The following GTF2IRD1 variants were observed in gnomAD, a reference collection of about 807,000 sequenced individuals.
GTF2IRD1 encodes the protein general transcription factor II-I repeat domain-containing protein 1.
In GTF2IRD1, 26 loss-of-function variants were observed where a neutral mutation model predicts 113.2. The observed-to-expected ratio is 0.23, with a 90% confidence interval of 0.17 to 0.32. The LOEUF (loss-of-function observed/expected upper bound fraction) is 0.32. Ranked by LOEUF, GTF2IRD1 falls within the 10% of genes least tolerant of loss-of-function variation. The probability of loss-of-function intolerance (pLI) is 1.00; values close to 1 mark genes in which losing one functional copy is unlikely to be tolerated. For synonymous variants in GTF2IRD1, 484 were observed against 529.1 expected, an observed-to-expected ratio of 0.91 and a Z score of 1.17; for missense variants, 864 against 1,280.8, an observed-to-expected ratio of 0.67 and a Z score of 4.97.
In GTF2IRD1 at chr7:74,601,062, C is replaced by A. The variant is rs1554373840; in HGVS notation, c.2648C>A (p.Pro883His). 6.8e-6 allele frequency: 11 copies of A among 1,614,156 alleles called. No individual in the cohort carries two copies. The highest frequency in any genetic ancestry group is 8.5e-6 in the Non-Finnish European group (10 of 1,180,034). Residue 883 changes from proline (P) to histidine (H), a missense_variant, in exon 26 of 27, where the codon CCC becomes CAC. Transcript: ENST00000424337. ...CTTCCAGCCAAAGACAGCAGCATTC[C>A]CAAGCGCAAGAGAAAGCGGGTCTCG... ...AKVPAKDSSI[P>H]KRKRKRVSEG...
chr7:74,486,085 C>T (rs1405214292), intron 1 of GTF2IRD1, among the ~76,000 whole-genome samples: 1 of 152,014 alleles, frequency 6.6e-6, no homozygotes, highest in African/African-American at 2.4e-5. Flanking sequence ...GTTCTCCTGC[C>T]TCAGCCTCCT....
At chr7:74,530,964 G>A (rs901792791) in intron 9 of GTF2IRD1, among the ~76,000 whole-genome samples, 13 of 151,974 alleles carry the variant, frequency 8.6e-5, no homozygotes, top group African/African-American at 3.1e-4. Context: ...CAGCTACTTG[G>A]AGGCTGAGAT....
intron 5 of GTF2IRD1, among the ~76,000 whole-genome samples, chr7:74,518,840 A>G (rs1156629364): frequency 1.3e-5 from 2 of 152,076 alleles, no homozygotes; most frequent in African/African-American, 2.4e-5. Flanking sequence ...GTGAGCTGTG[A>G]TTGCGTCACT....
chr7:74,517,934 T>C (rs1318536549), intron 4 of GTF2IRD1, among the ~76,000 whole-genome samples: 1 of 152,154 alleles, frequency 6.6e-6, no homozygotes, highest in African/African-American at 2.4e-5. Flanking sequence ...GCCCCCCAGA[T>C]GCAGACAATT....
At chr7:74,486,467 G>A (rs1795034936) in intron 1 of GTF2IRD1, among the ~76,000 whole-genome samples, 1 of 152,208 alleles carries the variant, frequency 6.6e-6, no homozygotes, top group African/African-American at 2.4e-5. Context: ...AAGGGATTGA[G>A]CCCCCCATTG....
chr7:74,508,245 C>T (rs367960379), intron 2 of GTF2IRD1, 42 bp downstream of exon 2: 27 of 1,581,878 alleles, frequency 1.7e-5, no homozygotes, highest in African/African-American at 6.7e-5. Context: ...ACAGGGTGAG[C>T]GTCCCCACCT....
At chr7:74,507,787 G>A (rs1227224977) in intron 1 of GTF2IRD1, 5 of 344,898 alleles carry the variant, frequency 1.4e-5, no homozygotes, top group Admixed American at 4.5e-5. Flanking sequence ...GCCGGGAGAG[G>A]TGGCAGTTGG....
chr7:74,581,266 C>T (rs1450562411), intron 22 of GTF2IRD1, among the ~76,000 whole-genome samples: 2 of 152,226 alleles, frequency 1.3e-5, no homozygotes, highest in East Asian at 3.8e-4. Context: ...AGCTGATCCA[C>T]CCACATTGGC....
At chr7:74,558,279 CAAAAAA>C (rs142472718) in intron 20 of GTF2IRD1, among the ~76,000 whole-genome samples, 25 of 60,846 alleles carry the variant, frequency 4.1e-4, no homozygotes, top group Admixed American at 1.2e-3. Flanking sequence ...AACTCCGTCT[CAAAAAA>C]AAAAAAAAAA....
At chr7:74,568,966 GCATC>G (rs1800518210) in intron 22 of GTF2IRD1, among the ~76,000 whole-genome samples, 3 of 152,176 alleles carry the variant, frequency 2.0e-5, no homozygotes, top group African/African-American at 7.2e-5. Flanking sequence ...CTTGGATGAC[GCATC>G]TGTGCCTGCA....
At chr7:74,457,871 G>GTT in intron 1 of GTF2IRD1, among the ~76,000 whole-genome samples, 4 of 143,854 alleles carry the variant, frequency 2.8e-5, no homozygotes, top group South Asian at 2.2e-4. Flanking sequence ...GCTGAGTTAC[G>GTT]TTTTTGTTTT....
chr7:74,513,261 A>G (rs1236135257), intron 3 of GTF2IRD1, among the ~76,000 whole-genome samples: 8 of 152,168 alleles, frequency 5.3e-5, no homozygotes, highest in Admixed American at 5.2e-4. Context: ...CCTCTTAACT[A>G]TGTATTCCTG....
At chr7:74,593,467 C>A (rs1380014640) in intron 24 of GTF2IRD1, among the ~76,000 whole-genome samples, 2 of 149,898 alleles carry the variant, frequency 1.3e-5, no homozygotes, top group African/African-American at 4.9e-5. Flanking sequence ...GGCACAGTGG[C>A]TCACGCCTGT....
At chr7:74,455,373 C>T (rs1362862231) in intron 1 of GTF2IRD1, among the ~76,000 whole-genome samples, 1 of 152,204 alleles carries the variant, frequency 6.6e-6, no homozygotes, top group Non-Finnish European at 1.5e-5. Flanking sequence ...CACCCTGGCG[C>T]GCCGCTGCCA....
rs1419741589 is a variant in GTF2IRD1, at chr7:74,495,264, C to T, written c.-6-12811C>T. Among the ~76,000 whole-genome samples, 4 of 152,304 alleles carry T rather than the reference C, an allele frequency of 2.6e-5. No homozygotes were observed. In the East Asian group the frequency reaches 7.7e-4, roughly 29 times the overall value. The stretch of plus-strand genomic sequence containing the variant: ...GCCCTCCAGAGCCCAGGCCCAGGCT[C>T]TGGGCTGAGGCTAGGACAGTCTCAG... On this transcript the variant is annotated intron_variant, in intron 1 of 26. Transcript: ENST00000424337.
chr7:74,584,368 C>G (rs1583957027), intron 22 of GTF2IRD1, among the ~76,000 whole-genome samples: 1 of 152,210 alleles, frequency 6.6e-6, no homozygotes, highest in East Asian at 1.9e-4. Context: ...TCACTCGAAC[C>G]CGGTAGGCGG....
intron 1 of GTF2IRD1, among the ~76,000 whole-genome samples, chr7:74,495,560 G>A (rs1030068232): frequency 6.6e-6 from 1 of 152,086 alleles, no homozygotes; most frequent in Admixed American, 6.5e-5. Flanking sequence ...TAGCAGGCCC[G>A]GGCACACACA....
intron 9 of GTF2IRD1, among the ~76,000 whole-genome samples, chr7:74,533,082 T>G (rs1554349298): frequency 6.6e-6 from 1 of 151,088 alleles, no homozygotes; most frequent in Non-Finnish European, 1.5e-5. Context: ...CCTCTCAGAC[T>G]CTCAGACCTT....
intron 1 of GTF2IRD1, among the ~76,000 whole-genome samples, chr7:74,461,672 G>A (rs1396152550): frequency 6.6e-6 from 1 of 152,052 alleles, no homozygotes; most frequent in Non-Finnish European, 1.5e-5. Context: ...TCTGCCTCCC[G>A]GGTTCAAGCA....
Sources: allele counts gnomAD v4.1 joint callset (sites outside exome capture counted in the v4.1 genomes callset), GRCh38; gene constraint gnomAD v4.1.1; transcripts MANE v1.5; gene names NCBI Gene and HGNC (gene_info 2026-07-23, HGNC 2026-07-21).